RERE: variants seen among roughly 807,000 people sequenced by gnomAD.
RERE encodes the protein arginine-glutamic acid dipeptide repeats protein.
In RERE, 40 loss-of-function variants were observed where a neutral mutation model predicts 146.1. The observed-to-expected ratio is 0.27, with a 90% CI of 0.21 to 0.36. The LOEUF is 0.36. Ranked by LOEUF, RERE falls within the 10% of genes least tolerant of loss-of-function variation. RERE has a pLI of 1.00. For synonymous variants in RERE, 1,003 were observed against 866.0 expected (o/e 1.16, Z -2.78); for missense variants, 1,933 against 2,138.7 (o/e 0.90, Z 1.90).
intron 11 of RERE, among the ~76,000 whole-genome samples, chr1:8,460,999 G>A (rs887957436): frequency 6.6e-6 from 1 of 152,094 alleles, no homozygotes; most frequent in Non-Finnish European, 1.5e-5. Flanking sequence ...AAGCGGCAAC[G>A]GAATCCCAGT....
intron 4 of RERE, among the ~76,000 whole-genome samples, chr1:8,582,291 T>G (rs1646375604): frequency 6.6e-6 from 1 of 151,760 alleles, no homozygotes; most frequent in African/African-American, 2.4e-5. Flanking sequence ...ACAATAGCCT[T>G]AAACTCCTGG....
intron 11 of RERE, among the ~76,000 whole-genome samples, chr1:8,461,708 T>A (rs938881154): frequency 6.6e-6 from 1 of 151,982 alleles, no homozygotes; most frequent in Non-Finnish European, 1.5e-5. Context: ...AGGTCTAAGA[T>A]CTCCAGAATT....
At chr1:8,554,001 A>G (rs1204084064) in intron 6 of RERE, among the ~76,000 whole-genome samples, 2 of 152,050 alleles carry the variant, frequency 1.3e-5, no homozygotes, top group East Asian at 3.9e-4. Context: ...AGATGGTGAA[A>G]CCCTGTCTCT....
chr1:8,432,338 A>C (rs1204731648), intron 11 of RERE, among the ~76,000 whole-genome samples: 1 of 151,952 alleles, frequency 6.6e-6, no homozygotes, highest in Non-Finnish European at 1.5e-5. Context: ...TGCTTATTCA[A>C]ACACATCAAC....
chr1:8,428,970 G>A (rs1321101074), intron 11 of RERE, among the ~76,000 whole-genome samples: 3 of 152,084 alleles, frequency 2.0e-5, no homozygotes, highest in Admixed American at 6.5e-5. Context: ...GGGATGGCAC[G>A]TGGACCTGGT....
At chr1:8,596,172 C>A (rs536428611) in intron 4 of RERE, among the ~76,000 whole-genome samples, 7 of 152,228 alleles carry the variant, frequency 4.6e-5, no homozygotes, top group Non-Finnish European at 7.4e-5. Context: ...CTATCTGGCC[C>A]CTAATAGGAA....
chr1:8,524,052 C>G (rs1183873175), intron 7 of RERE, among the ~76,000 whole-genome samples: 2 of 152,158 alleles, frequency 1.3e-5, no homozygotes, highest in African/African-American at 4.8e-5. Context: ...TGTCCAGTTC[C>G]TCTCGTCTAT....
chr1:8,429,605 G>A (rs1644066162), intron 11 of RERE, among the ~76,000 whole-genome samples: 2 of 152,180 alleles, frequency 1.3e-5, no homozygotes, highest in African/African-American at 4.8e-5. Flanking sequence ...TTAACCCCTG[G>A]CTGAGAGCTT....
At chr1:8,748,784 G>C (rs934216208) in intron 1 of RERE, among the ~76,000 whole-genome samples, 2 of 152,172 alleles carry the variant, frequency 1.3e-5, no homozygotes, top group Admixed American at 1.3e-4. Flanking sequence ...GACCTCATCA[G>C]ACCTAGTCCC....
chr1:8,377,899 T>C (rs1642313531), intron 12 of RERE, among the ~76,000 whole-genome samples: 1 of 152,202 alleles, frequency 6.6e-6, no homozygotes, highest in Non-Finnish European at 1.5e-5. Context: ...AAATCCATTT[T>C]TGAGCTCAGA....
chr1:8,707,340 G>A lies in RERE; in HGVS notation c.-144-50899C>T, dbSNP rs77713467. On this transcript the variant is annotated intron_variant, in intron 1 of 22. Transcript: ENST00000400908. The stretch of plus-strand genomic sequence containing the variant: ...GCTATGACCAGAAACATCACACAGG[G>A]GAAATGTGAAGGGGAACCTTAGCAA... Among the ~76,000 whole-genome samples the A allele has an allele frequency of 8.1e-3, 1,234 of 152,066 alleles. 13 individuals are homozygous for A. Among genetic ancestry groups the A allele is most frequent in the African/African-American group, 0.028 (1,181 of 41,458 alleles).
intron 4 of RERE, among the ~76,000 whole-genome samples, chr1:8,595,707 C>T (rs1646547857): frequency 6.6e-6 from 1 of 152,040 alleles, no homozygotes; most frequent in African/African-American, 2.4e-5. Context: ...AAAATGAGTT[C>T]TTACAATACC....
chr1:8,764,118 C>G (rs904576310), intron 1 of RERE, among the ~76,000 whole-genome samples: 3 of 151,816 alleles, frequency 2.0e-5, no homozygotes, highest in African/African-American at 4.9e-5. Context: ...ATGGTTCCCA[C>G]GCTGTCTTCC....
intron 4 of RERE, among the ~76,000 whole-genome samples, chr1:8,562,253 T>C (rs1646087344): frequency 6.6e-6 from 1 of 152,222 alleles, no homozygotes; most frequent in East Asian, 1.9e-4. Context: ...GTCTTCATTT[T>C]TCCAACAATT....
intron 1 of RERE, among the ~76,000 whole-genome samples, chr1:8,657,023 C>A (rs949087496): frequency 6.6e-6 from 1 of 152,170 alleles, no homozygotes; most frequent in Non-Finnish European, 1.5e-5. Flanking sequence ...TCAGGATAGG[C>A]CGGGCGCGGT....
chr1:8,360,826 G>A lies in RERE; in HGVS notation c.2681C>T (p.Pro894Leu). ...GGCTGGCAGCTGCAGGGAGGTGTGA[G>A]GGTACGCTGCTGCTGGGGAGGTCCC... ...PLGTSPAAAY[P>L]HTSLQLPASQ... is the part of the protein sequence containing the mutation. Residue 894 changes from proline to leucine, a missense_variant, in exon 18 of 23, where the codon CCT becomes CTT. Transcript: ENST00000400908. The A allele has an allele frequency of 2.6e-6, 4 of 1,553,662 alleles. No individual in the cohort carries two copies. The South Asian group carries it at 4.6e-5, about 18-fold the overall frequency.
chr1:8,360,810 C>G lies in RERE; in HGVS notation c.2697G>C (p.Gln899His). Residue 899 changes from glutamine to histidine, a missense_variant, in exon 18 of 23, where the codon CAG becomes CAC. Physicochemically the swap from Gln to His is conservative, Grantham distance 24. Transcript: ENST00000400908. ...GCAGCGCTGACTGAGAGGCTGGCAG[C>G]TGCAGGGAGGTGTGAGGGTACGCTG... Reference protein sequence around the residue: ...PAAAYPHTSLQLPASQSALQS... With the variant: ...PAAAYPHTSLHLPASQSALQS... The G allele has an allele frequency of 1.9e-6, 3 of 1,569,738 alleles. No homozygotes were observed. Among genetic ancestry groups the G allele is most frequent in the South Asian group, 2.3e-5 (2 of 88,358 alleles).
chr1:8,399,132 T>C (rs1643159483), intron 12 of RERE, among the ~76,000 whole-genome samples: 1 of 152,024 alleles, frequency 6.6e-6, no homozygotes, highest in Admixed American at 6.6e-5. Context: ...TTCTAGATAC[T>C]AATCCAGTTA....
intron 12 of RERE, among the ~76,000 whole-genome samples, chr1:8,392,482 C>T (rs1642916926): frequency 6.6e-6 from 1 of 152,190 alleles, no homozygotes; most frequent in Non-Finnish European, 1.5e-5. Context: ...TTCCTCTCCC[C>T]TGGGTCTCAT....
Sources: gnomAD v4.1 joint callset for allele counts (sites outside exome capture counted in the v4.1 genomes callset) on GRCh38, gnomAD v4.1.1 for gene constraint, MANE v1.5 for transcripts, NCBI Gene and HGNC (gene_info 2026-07-23, HGNC 2026-07-21) for gene names.